Variants in KRT8 observed in about 807,000 individuals in gnomAD.
The protein encoded by KRT8 is keratin, type II cytoskeletal 8.
KRT8 carries 24 observed loss-of-function variants against 43.0 expected under a neutral mutation model. The observed-to-expected ratio is 0.56, with a 90% CI of 0.40 to 0.78. The LOEUF is 0.78. Ranked by LOEUF, KRT8 falls within the 30% of genes least tolerant of loss-of-function variation. The pLI, the probability that KRT8 is intolerant of heterozygous loss-of-function variation, is 0.00. For synonymous variants in KRT8, 214 were observed against 261.2 expected, an observed-to-expected ratio of 0.82 and a Z score of 1.74; for missense variants, 492 against 638.4, an observed-to-expected ratio of 0.77 and a Z score of 2.47.
chr12:52,907,516 C>T (rs1941546343), upstream of KRT8, among the ~76,000 whole-genome samples: 1 of 152,200 alleles, frequency 6.6e-6, no homozygotes, highest in South Asian at 2.1e-4. Flanking sequence ...ATTCCAGTCC[C>T]CTCCACCCCA....
intron 2 of KRT8, among the ~76,000 whole-genome samples, chr12:52,928,881 G>A (rs914946562): frequency 3.9e-5 from 6 of 152,132 alleles, no homozygotes; most frequent in African/African-American, 1.4e-4. Context: ...ACTCCAGCCT[G>A]GGCAACAAGA....
upstream of KRT8, chr12:52,906,885 C>A (rs1212465616): frequency 4.9e-6 from 2 of 410,322 alleles, no homozygotes; most frequent in African/African-American, 4.1e-5. Context: ...GCACATAGGA[C>A]CCCTACCCAG....
chr12:52,900,983 TC>T (rs1941355496), intron 3 of KRT8, 175 bp downstream of exon 3: 1 of 701,848 alleles, frequency 1.4e-6, no homozygotes. Context: ...AAGAGTTCTG[TC>T]CAAATGCACC....
chr12:52,898,438 T>C (rs1269831403), intron 7 of KRT8, 23 bp downstream of exon 7: 2 of 1,609,312 alleles, frequency 1.2e-6, no homozygotes, highest in African/African-American at 2.7e-5. Flanking sequence ...CCCGCCCTCA[T>C]CCCAGGGCCC....
chr12:52,898,692 C>T (rs1846021822), exon 6 of KRT8: 1 of 1,614,246 alleles, frequency 6.2e-7, no homozygotes. Context: ...CTCTCCTCGC[C>T]CTCCAGCAGC....
intron 2 of KRT8, among the ~76,000 whole-genome samples, chr12:52,913,258 C>A (rs568418092): frequency 6.6e-6 from 1 of 152,336 alleles, no homozygotes; most frequent in Admixed American, 6.5e-5. Context: ...GAAGCAATGA[C>A]TCCAACCTTG....
At chr12:52,949,224 C>A (rs751717313) in intron 2 of KRT8, 3 of 1,611,542 alleles carry the variant, frequency 1.9e-6, no homozygotes, top group Admixed American at 1.7e-5. Context: ...GGTCCCTGGG[C>A]TCTGTCCAGG....
At chr12:52,907,083 A>T, upstream of KRT8, 1 of 216,012 alleles carries the variant, frequency 4.6e-6, no homozygotes, top group Non-Finnish European at 9.4e-6. Flanking sequence ...TGGCTCCTTC[A>T]CCTCCCCTCC....
chr12:52,898,606 G>T (rs2120542289), intron 6 of KRT8, 73 bp downstream of exon 6: 2 of 1,612,294 alleles, frequency 1.2e-6, no homozygotes, highest in Non-Finnish European at 1.7e-6. Flanking sequence ...AGGGGCTTCA[G>T]GGGGCTCCCA....
chr12:52,899,358 G>A (rs1941304179), intron 5 of KRT8, among the ~76,000 whole-genome samples: 1 of 152,020 alleles, frequency 6.6e-6, no homozygotes, highest in Non-Finnish European at 1.5e-5. Flanking sequence ...AGCAGATCAG[G>A]GAGACATGAG....
intron 2 of KRT8, among the ~76,000 whole-genome samples, chr12:52,940,432 CAAA>C (rs959352157): frequency 3.9e-5 from 2 of 50,782 alleles, no homozygotes; most frequent in African/African-American, 6.2e-5. Context: ...GACTCAGTCT[CAAA>C]AAAAAAAAAA....
intron 1 of KRT8, 59 bp from the exon 2 acceptor site, chr12:52,902,131 G>A: frequency 9.9e-6 from 11 of 1,114,954 alleles, no homozygotes; most frequent in Non-Finnish European, 1.5e-5. Context: ...AAAGTCTGGA[G>A]GAAAGCAAGC....
At chr12:52,928,765 G>A (rs1942035749) in intron 2 of KRT8, among the ~76,000 whole-genome samples, 1 of 152,144 alleles carries the variant, frequency 6.6e-6, no homozygotes, top group South Asian at 2.1e-4. Context: ...AATTAGCTGG[G>A]CGTGGTGGCA....
chr12:52,940,718 C>T (rs1942254342), intron 2 of KRT8, among the ~76,000 whole-genome samples: 2 of 150,838 alleles, frequency 1.3e-5, no homozygotes, highest in Admixed American at 1.3e-4. Flanking sequence ...CTCCTCCTCC[C>T]AGGTTCAAGC....
intron 4 of KRT8, among the ~76,000 whole-genome samples, chr12:52,900,308 G>A (rs934138352): frequency 6.6e-6 from 1 of 152,136 alleles, no homozygotes; most frequent in Admixed American, 6.5e-5. Context: ...AGTTGCTGCT[G>A]AATCACCACA....
intron 2 of KRT8, chr12:52,901,622 C>T: frequency 1.7e-6 from 1 of 593,584 alleles, no homozygotes; most frequent in Non-Finnish European, 3.0e-6. Flanking sequence ...TCAACATTGA[C>T]ACATAATTTG....
upstream of KRT8, among the ~76,000 whole-genome samples, chr12:52,906,222 G>A (rs1941514834): frequency 6.6e-6 from 1 of 152,192 alleles, no homozygotes; most frequent in Admixed American, 6.5e-5. Context: ...TGATGAACAG[G>A]GCTAGAAGGC....
intron 2 of KRT8, among the ~76,000 whole-genome samples, chr12:52,935,002 T>A (rs1308084492): frequency 4.0e-5 from 6 of 150,300 alleles, no homozygotes; most frequent in Non-Finnish European, 8.9e-5. Context: ...CTATGGAACA[T>A]AATAGAGTCT....
At chr12:52,910,862 C>T (rs74369357), upstream of KRT8, among the ~76,000 whole-genome samples, 2,703 of 152,270 alleles carry the variant, frequency 0.018, 73 homozygotes, top group African/African-American at 0.06. Context: ...AACCTGAGGA[C>T]TAAGGTGGGA....
Sources: gnomAD v4.1 joint callset for allele counts (sites outside exome capture counted in the v4.1 genomes callset) on GRCh38, gnomAD v4.1.1 for gene constraint, MANE v1.5 for transcripts, NCBI Gene and HGNC (gene_info 2026-07-23, HGNC 2026-07-21) for gene names.